MACIR: variants seen among roughly 807,000 people sequenced by gnomAD.
The protein encoded by MACIR is macrophage immunometabolism regulator.
MACIR carries 4 observed loss-of-function variants against 14.3 expected under a neutral mutation model. The observed-to-expected ratio is 0.28, with a 90% CI of 0.14 to 0.64. The LOEUF is 0.64. Among genes scored for constraint, MACIR ranks in the 30% least tolerant of loss-of-function variants. MACIR has a pLI of 0.83. For missense variants in MACIR, 228 were observed against 257.6 expected (o/e 0.89, Z 0.79); for synonymous variants, 101 against 102.4 (o/e 0.99, Z 0.08).
upstream of MACIR, among the ~76,000 whole-genome samples, chr5:103,258,404 C>T (rs1554235820): frequency 6.6e-6 from 1 of 152,078 alleles, no homozygotes; most frequent in African/African-American, 2.4e-5. Flanking sequence ...TATCAGCACA[C>T]CACTTAACTG....
chr5:103,274,246 C>T (rs1401114705), intron 2 of MACIR, among the ~76,000 whole-genome samples: 23 of 152,000 alleles, frequency 1.5e-4, no homozygotes, highest in Admixed American at 1.5e-3. Flanking sequence ...TCACATGGCT[C>T]TCTAAAGTTT....
At chr5:103,266,360 GC>G (rs2149925605) in intron 2 of MACIR, among the ~76,000 whole-genome samples, 1 of 152,182 alleles carries the variant, frequency 6.6e-6, no homozygotes, top group African/African-American at 2.4e-5. Flanking sequence ...TCCAAACATT[GC>G]TGAAATAATT....
intron 2 of MACIR, among the ~76,000 whole-genome samples, chr5:103,267,081 C>T (rs1804951526): frequency 6.6e-6 from 1 of 152,050 alleles, no homozygotes; most frequent in Non-Finnish European, 1.5e-5. Flanking sequence ...GTAGAAACTA[C>T]AGGAATGTAT....
Position 103,277,850 on chromosome 5 carries a change from A to G in MACIR, c.*1310A>G, listed in dbSNP as rs1239556804. Reference sequence around the variant, plus strand: ...GAATTGGGATTTCTGGCAGCACAGAACTGCTTTTTATTTTGGGGTCTGTGA... The same window carrying G: ...GAATTGGGATTTCTGGCAGCACAGAGCTGCTTTTTATTTTGGGGTCTGTGA... On this transcript the variant is annotated 3_prime_UTR_variant, in exon 3 of 3. Transcript: ENST00000319933. 6.0e-6 allele frequency: 1 copy of G among 167,038 alleles called. No individual in the cohort carries two copies. The highest frequency in any genetic ancestry group is 1.5e-5 in the Non-Finnish European group (1 of 68,096). 10.3% of individuals were successfully genotyped at this position (167,038 alleles called of 1,614,324 possible). A position where few individuals can be genotyped will look rare whatever the true frequency, so the allele number is the denominator to read the frequency against.
At chr5:103,272,385 C>A in intron 2 of MACIR, among the ~76,000 whole-genome samples, 1 of 138,728 alleles carries the variant, frequency 7.2e-6, no homozygotes. Flanking sequence ...TTCCAGAATT[C>A]TGGAGTTAGG....
intron 2 of MACIR, among the ~76,000 whole-genome samples, chr5:103,271,091 AT>A (rs1181147422): frequency 6.6e-6 from 1 of 152,148 alleles, no homozygotes; most frequent in African/African-American, 2.4e-5. Context: ...GGGAGTTGGA[AT>A]TTTTTTTAAC....
Position 103,263,210 on chromosome 5 carries a change from C to CTCCTCCTCCTCCTCCTGCTCT in MACIR, c.-113-2664_-113-2644dup, listed in dbSNP as rs1401437821. Among the ~76,000 whole-genome samples, 13 of 141,074 alleles carry CTCCTCCTCCTCCTCCTGCTCT rather than the reference C, an allele frequency of 9.2e-5. No individual in the cohort carries two copies. The East Asian group carries it at 1.0e-3, about 11-fold the overall frequency. The allele number at this position is 141,074 out of a possible 152,430, so 92.6% of individuals were successfully genotyped here. A position where few individuals can be genotyped will look rare whatever the true frequency, so the allele number is the denominator to read the frequency against. On this transcript the variant is annotated intron_variant, in intron 1 of 2. Coordinates refer to ENST00000319933, the MANE Select transcript of MACIR (RefSeq NM_033211.4). Reference sequence around the variant, plus strand: ...CTTTTTCACCATATACCTCCTCCTCCTCCTCCTCCTCCTCCTGCTCTTCCT... The same window carrying CTCCTCCTCCTCCTCCTGCTCT: ...CTTTTTCACCATATACCTCCTCCTCCTCCTCCTCCTCCTCCTGCTCTTCCTCCTCCTCCTCCTGCTCTTCCT...
intron 2 of MACIR, among the ~76,000 whole-genome samples, chr5:103,274,433 G>A (rs1805246943): frequency 6.6e-6 from 1 of 151,468 alleles, no homozygotes; most frequent in South Asian, 2.1e-4. Flanking sequence ...AAAGGGTTCA[G>A]GGACTAGAGT....
Position 103,265,685 on chromosome 5 carries a change from G to A in MACIR, c.-113-223G>A, listed in dbSNP as rs184838041. On this transcript the variant is annotated intron_variant, in intron 1 of 2. Transcript: ENST00000319933. ...CTCCTAGTCTCTAGGTAGAATTTAA[G>A]TAACAGAGTACAGAGAAATACACAT... is the stretch of plus-strand genomic sequence containing the variant. Among the ~76,000 whole-genome samples the A allele has an allele frequency of 2.1e-3, 322 of 152,228 alleles. 3 individuals carry two copies. The highest frequency in any genetic ancestry group is 7.3e-3 in the African/African-American group (303 of 41,540).
At chr5:103,262,825 CA>C (rs1554236414) in intron 1 of MACIR, among the ~76,000 whole-genome samples, 1 of 152,146 alleles carries the variant, frequency 6.6e-6, no homozygotes, top group African/African-American at 2.4e-5. Flanking sequence ...TGTTTTTATG[CA>C]GCATTTAGTC....
intron 1 of MACIR, among the ~76,000 whole-genome samples, chr5:103,260,427 T>C (rs782515060): frequency 5.9e-5 from 9 of 151,766 alleles, no homozygotes; most frequent in Non-Finnish European, 8.8e-5. Flanking sequence ...TTAAGTTTAA[T>C]GAATGTGTCA....
intron 1 of MACIR, among the ~76,000 whole-genome samples, chr5:103,264,378 A>G (rs976185821): frequency 6.6e-6 from 1 of 152,144 alleles, no homozygotes; most frequent in Non-Finnish European, 1.5e-5. Context: ...CTTTTGACAT[A>G]AGGAAGATGC....
Position 103,276,659 on chromosome 5 carries a change from C to G in MACIR, c.*119C>G, listed in dbSNP as rs1805346711. 2 of 943,622 alleles carry G rather than the reference C, an allele frequency of 2.1e-6. No individual in the cohort carries two copies. The highest frequency in any genetic ancestry group is 5.2e-5 in the South Asian group (2 of 38,494). 58.5% of individuals were successfully genotyped at this position (943,622 alleles called of 1,614,324 possible). ...AGATGGTTATATCAGCTAAGTGTTC[C>G]TGGAACATAAAAATTGTTTGGGTCA... is the stretch of plus-strand genomic sequence containing the variant. On this transcript the variant is annotated 3_prime_UTR_variant, in exon 3 of 3. Coordinates refer to ENST00000319933, the MANE Select transcript of MACIR (RefSeq NM_033211.4).
chr5:103,265,253 G>C (rs984584053), intron 1 of MACIR, among the ~76,000 whole-genome samples: 1 of 151,930 alleles, frequency 6.6e-6, no homozygotes. Flanking sequence ...CATTTGCCTC[G>C]CATCAGTCTT....
At chr5:103,271,413 A>G (rs1360936365) in intron 2 of MACIR, among the ~76,000 whole-genome samples, 1 of 152,078 alleles carries the variant, frequency 6.6e-6, no homozygotes, top group Non-Finnish European at 1.5e-5. Flanking sequence ...CTGGTGCACC[A>G]GGTTCTCCTA....
intron 2 of MACIR, among the ~76,000 whole-genome samples, chr5:103,266,973 C>G (rs185725651): frequency 6.8e-4 from 103 of 152,116 alleles, no homozygotes; most frequent in African/African-American, 2.5e-3. Flanking sequence ...GTTTGAAAAC[C>G]ATAGTACAAA....
chr5:103,269,502 AT>A (rs1239136413), intron 2 of MACIR, among the ~76,000 whole-genome samples: 6 of 152,114 alleles, frequency 3.9e-5, no homozygotes, highest in South Asian at 2.1e-4. Context: ...CTGGGAGTGA[AT>A]TTTTTTTATA....
chr5:103,264,927 A>C (rs1269571615), intron 1 of MACIR, among the ~76,000 whole-genome samples: 1 of 152,116 alleles, frequency 6.6e-6, no homozygotes, highest in Non-Finnish European at 1.5e-5. Context: ...GTGCACCTAC[A>C]TAGATAAAAT....
intron 1 of MACIR, among the ~76,000 whole-genome samples, chr5:103,263,689 G>A (rs376286): frequency 0.24 from 36,873 of 151,986 alleles, 5,098 homozygotes; most frequent in Non-Finnish European, 0.32. Flanking sequence ...CTATTCTTTA[G>A]GATTAAGACA....
Sources: allele counts gnomAD v4.1 joint callset (sites outside exome capture counted in the v4.1 genomes callset), GRCh38; gene constraint gnomAD v4.1.1; transcripts MANE v1.5; gene names NCBI Gene and HGNC (gene_info 2026-07-23, HGNC 2026-07-21).